ALDH1L2: variants seen among roughly 807,000 people sequenced by gnomAD.
ALDH1L2 encodes the protein aldehyde dehydrogenase 1 family member L2.
ALDH1L2 carries 91 observed loss-of-function variants against 111.0 expected under a neutral mutation model. The ratio of observed to expected loss-of-function variants is 0.82; its 90% CI spans 0.69 to 0.98. The LOEUF (loss-of-function observed/expected upper bound fraction) is 0.98. Among genes scored for constraint, ALDH1L2 ranks in the 50% least tolerant of loss-of-function variants. The pLI is 0.00. For missense variants in ALDH1L2, 995 were observed against 1,126.8 expected (o/e 0.88, Z 1.67); for synonymous variants, 374 against 392.6 (o/e 0.95, Z 0.56).
chr12:105,035,285 A>G (rs1403287206), intron 18 of ALDH1L2, among the ~76,000 whole-genome samples: 1 of 152,060 alleles, frequency 6.6e-6, no homozygotes, highest in Non-Finnish European at 1.5e-5. Flanking sequence ...AAATCTCTAC[A>G]TTAGATTGTA....
At chr12:105,041,203 A>G (rs978204122) in intron 15 of ALDH1L2, among the ~76,000 whole-genome samples, 1 of 152,244 alleles carries the variant, frequency 6.6e-6, no homozygotes, top group Non-Finnish European at 1.5e-5. Context: ...CAACATCTGC[A>G]TTACATTTAG....
At chr12:105,044,093 A>G (rs1164413521) in intron 15 of ALDH1L2, among the ~76,000 whole-genome samples, 3 of 152,218 alleles carry the variant, frequency 2.0e-5, no homozygotes, top group African/African-American at 7.2e-5. Context: ...TGGGTCTTTC[A>G]TTCTCAGGAT....
chr12:105,072,176 T>C lies in ALDH1L2; in HGVS notation c.194-1372A>G, dbSNP rs553487974. Among the ~76,000 whole-genome samples, 64 of 147,976 alleles carry C rather than the reference T, an allele frequency of 4.3e-4. No homozygotes were observed. The East Asian group carries it at 0.011, about 26-fold the overall frequency. ...TTAATAAATTATAGAAATTATGATA[T>C]CTATTAATATCCTATATGATATATA... On this transcript the variant is annotated intron_variant, in intron 2 of 22. Transcript: ENST00000258494.
intron 7 of ALDH1L2, among the ~76,000 whole-genome samples, chr12:105,061,975 A>G (rs1877031281): frequency 1.3e-5 from 2 of 152,196 alleles, no homozygotes; most frequent in African/African-American, 2.4e-5. Context: ...ACATCTCAAA[A>G]TGGAAAATAA....
intron 11 of ALDH1L2, 88 bp from the exon 12 acceptor site, chr12:105,052,305 G>A (rs1167092672): frequency 3.1e-6 from 4 of 1,296,624 alleles, no homozygotes; most frequent in East Asian, 2.7e-5. Flanking sequence ...AAAAAATAGA[G>A]TATTACTGAT....
At chr12:105,083,670 T>C (rs545354145) in intron 1 of ALDH1L2, among the ~76,000 whole-genome samples, 16 of 151,196 alleles carry the variant, frequency 1.1e-4, no homozygotes, top group African/African-American at 3.9e-4. Context: ...CGAGGCCCCC[T>C]GGGTGCTGAA....
chr12:105,041,031 A>C (rs769462680), intron 15 of ALDH1L2, among the ~76,000 whole-genome samples: 2 of 152,206 alleles, frequency 1.3e-5, no homozygotes, highest in African/African-American at 4.8e-5. Context: ...CCATACTTCT[A>C]AATACTTCTG....
intron 21 of ALDH1L2, among the ~76,000 whole-genome samples, chr12:105,027,118 C>T (rs1280548914): frequency 6.6e-6 from 1 of 152,256 alleles, no homozygotes; most frequent in African/African-American, 2.4e-5. Flanking sequence ...CAAACTATCC[C>T]CCAACCTTGC....
intron 15 of ALDH1L2, among the ~76,000 whole-genome samples, chr12:105,046,149 TTCTC>T (rs541003101): frequency 0.011 from 409 of 35,888 alleles, 3 homozygotes; most frequent in African/African-American, 0.019. Flanking sequence ...CTTCTACATC[TTCTC>T]TCTCTCTCTC....
intron 18 of ALDH1L2, among the ~76,000 whole-genome samples, chr12:105,036,928 C>G (rs1875188232): frequency 6.6e-6 from 1 of 152,068 alleles, no homozygotes; most frequent in African/African-American, 2.4e-5. Flanking sequence ...ATGGTCCATT[C>G]AAAGGCCCTG....
In ALDH1L2 at chr12:105,023,798, A is replaced by G. The variant is rs1874277201; in HGVS notation, c.*626T>C. ...AATTTAAACTATGTGGGGGCCAGCC[A>G]TCATATCATTAAATTCTCTATACTC... On this transcript the variant is annotated 3_prime_UTR_variant, in exon 23 of 23. Coordinates refer to ENST00000258494, the MANE Select transcript of ALDH1L2 (RefSeq NM_001034173.4). 6.6e-6 allele frequency: 1 copy of G among 152,186 alleles called. No homozygotes were observed. Among genetic ancestry groups the G allele is most frequent in the Non-Finnish European group, 1.5e-5 (1 of 68,028 alleles). 9.4% of individuals were successfully genotyped at this position (152,186 alleles called of 1,614,324 possible).
chr12:105,040,565 C>T (rs1218482437), intron 16 of ALDH1L2, 42 bp downstream of exon 16: 1 of 1,576,380 alleles, frequency 6.3e-7, no homozygotes, highest in Admixed American at 1.7e-5. Context: ...TACCCCAGTA[C>T]CATTCATTAG....
At chr12:105,068,691 T>C (rs773255348) in intron 4 of ALDH1L2, 28 bp downstream of exon 4, 1 of 1,415,692 alleles carries the variant, frequency 7.1e-7, no homozygotes, top group South Asian at 1.8e-5. Context: ...AAAGGTTTAC[T>C]AAATTCTGGG....
At chr12:105,080,791 T>C (rs981059331) in intron 1 of ALDH1L2, among the ~76,000 whole-genome samples, 4 of 152,192 alleles carry the variant, frequency 2.6e-5, no homozygotes, top group African/African-American at 9.6e-5. Flanking sequence ...ATGTTCAGAT[T>C]TTAAAGCATT....
intron 1 of ALDH1L2, 77 bp from the exon 2 acceptor site, chr12:105,074,082 C>A: frequency 1.3e-6 from 2 of 1,554,998 alleles, no homozygotes; most frequent in South Asian, 1.2e-5. Context: ...AAAAAGATAG[C>A]TATTGGGTAC....
In ALDH1L2 at chr12:105,052,795, A is replaced by C; in HGVS notation, c.1407+17T>G. 6.2e-7 allele frequency: 1 copy of C among 1,614,014 alleles called. No individual in the cohort carries two copies. Among genetic ancestry groups the C allele is most frequent in the South Asian group, 1.1e-5 (1 of 91,048 alleles). Reference sequence around the variant, plus strand: ...TCCATGACCAGTGATCACTACTCACACTAAAGAATTACTCACAGATCCATC... The same window carrying C: ...TCCATGACCAGTGATCACTACTCACCCTAAAGAATTACTCACAGATCCATC... On this transcript the variant is annotated intron_variant, in intron 11 of 22. Transcript: ENST00000258494.
At chr12:105,068,659 G>T in intron 4 of ALDH1L2, 60 bp downstream of exon 4, 3 of 1,320,174 alleles carry the variant, frequency 2.3e-6, no homozygotes, top group Non-Finnish European at 2.9e-6. Flanking sequence ...CTTCATAAAA[G>T]AAAAAATATT....
chr12:105,052,023 C>G, intron 12 of ALDH1L2, 67 bp downstream of exon 12: 1 of 1,340,634 alleles, frequency 7.5e-7, no homozygotes, highest in African/African-American at 1.5e-5. Context: ...GCCTGGCCAA[C>G]GTAGTGAACC....
intron 9 of ALDH1L2, 138 bp from the exon 10 acceptor site, chr12:105,058,358 T>TG: frequency 6.2e-6 from 5 of 804,128 alleles, no homozygotes; most frequent in Non-Finnish European, 8.9e-6. Context: ...TCTTCTGTGA[T>TG]ACTCATCAGA....
Sources: allele counts gnomAD v4.1 joint callset (sites outside exome capture counted in the v4.1 genomes callset), GRCh38; gene constraint gnomAD v4.1.1; transcripts MANE v1.5; gene names NCBI Gene and HGNC (gene_info 2026-07-23, HGNC 2026-07-21).